Variants in CNBD1 observed in about 807,000 individuals in gnomAD.
CNBD1 encodes the protein cyclic nucleotide binding domain containing 1, also known as cyclic nucleotide-binding domain-containing protein 1.
In CNBD1, 71 loss-of-function variants were observed where a neutral mutation model predicts 54.4. The ratio of observed to expected loss-of-function variants is 1.30; its 90% CI spans 1.08 to 1.59. The LOEUF is 1.59. CNBD1 is among the 40% of genes most tolerant of loss of function. The pLI is 0.00. For missense variants in CNBD1, 659 were observed against 518.0 expected (o/e 1.27, Z -2.64); for synonymous variants, 182 against 170.7 (o/e 1.07, Z -0.51).
At chr8:86,948,731 G>GT (rs965554075) in intron 4 of CNBD1, among the ~76,000 whole-genome samples, 12 of 152,024 alleles carry the variant, frequency 7.9e-5, no homozygotes, top group Non-Finnish European at 1.5e-4. Context: ...TTTGTTGATT[G>GT]TTTCCCTCAC....
chr8:87,038,994 C>T (rs1345078879), intron 4 of CNBD1, among the ~76,000 whole-genome samples: 1 of 152,196 alleles, frequency 6.6e-6, no homozygotes. Flanking sequence ...TTCCTTCCCA[C>T]TATAGGCTGT....
chr8:87,379,164 T>C (rs1296835528), intron 10 of CNBD1, among the ~76,000 whole-genome samples: 2 of 151,922 alleles, frequency 1.3e-5, no homozygotes, highest in South Asian at 2.1e-4. Context: ...CCTGCCTAAT[T>C]GCCCTGGCCA....
chr8:87,260,683 C>T (rs1464131075), intron 6 of CNBD1, among the ~76,000 whole-genome samples: 1 of 152,006 alleles, frequency 6.6e-6, no homozygotes, highest in Non-Finnish European at 1.5e-5. Flanking sequence ...CCTAGTGACC[C>T]AGCTCACCAT....
At chr8:87,085,001 T>A (rs1481999677) in intron 4 of CNBD1, among the ~76,000 whole-genome samples, 1 of 152,332 alleles carries the variant, frequency 6.6e-6, no homozygotes, top group East Asian at 1.9e-4. Flanking sequence ...TAAACAATAC[T>A]TATGTTGTGT....
In CNBD1 at chr8:87,162,602, ATATCT is replaced by A. The variant is rs553352174; in HGVS notation, c.432-43388_432-43384del. The stretch of plus-strand genomic sequence containing the variant: ...AATCCATTTGTGCTGCTATAACAAA[ATATCT>A]TAACTGGATAATTTGTAAAAAACAT... On this transcript the variant is annotated intron_variant, in intron 4 of 10. Coordinates refer to ENST00000518476, the MANE Select transcript of CNBD1 (RefSeq NM_173538.3). Among the ~76,000 whole-genome samples, 285 of 152,254 alleles carry A rather than the reference ATATCT, an allele frequency of 1.9e-3. 5 individuals carry two copies. The highest frequency in any genetic ancestry group is 6.4e-3 in the African/African-American group (265 of 41,566).
At chr8:87,399,563 A>C (rs1807509782) in intron 2 of CNBD1, among the ~76,000 whole-genome samples, 1 of 152,032 alleles carries the variant, frequency 6.6e-6, no homozygotes, top group South Asian at 2.1e-4. Context: ...TATGAACCTA[A>C]TATAAAGCCC....
intron 4 of CNBD1, among the ~76,000 whole-genome samples, chr8:87,046,011 A>G (rs1468981306): frequency 6.8e-6 from 1 of 146,374 alleles, no homozygotes; most frequent in Non-Finnish European, 1.5e-5. Context: ...ACTGCACTCC[A>G]GCCTGGGAGA....
At chr8:87,148,745 G>A (rs1563487185) in intron 4 of CNBD1, among the ~76,000 whole-genome samples, 1 of 152,142 alleles carries the variant, frequency 6.6e-6, no homozygotes, top group Non-Finnish European at 1.5e-5. Flanking sequence ...TATGGTAGGA[G>A]CCTTAGTCAC....
chr8:87,209,277 TG>T (rs1398801534), intron 5 of CNBD1, among the ~76,000 whole-genome samples: 2 of 152,234 alleles, frequency 1.3e-5, no homozygotes, highest in African/African-American at 4.8e-5. Flanking sequence ...ACTAATTTTA[TG>T]AGGCCAGCAT....
At chr8:87,082,765 A>C (rs531308281) in intron 4 of CNBD1, among the ~76,000 whole-genome samples, 1 of 152,194 alleles carries the variant, frequency 6.6e-6, no homozygotes, top group South Asian at 2.1e-4. Context: ...TAAATCTACC[A>C]TCTCTTTGGT....
At chr8:87,160,017 G>A (rs563921757) in intron 4 of CNBD1, among the ~76,000 whole-genome samples, 1 of 151,710 alleles carries the variant, frequency 6.6e-6, no homozygotes, top group Admixed American at 6.6e-5. Context: ...CATATCTGAT[G>A]TTTAAGTCCA....
chr8:87,315,795 A>G (rs182590870), intron 8 of CNBD1, among the ~76,000 whole-genome samples: 1 of 152,062 alleles, frequency 6.6e-6, no homozygotes, highest in African/African-American at 2.4e-5. Flanking sequence ...TTGATAGCAC[A>G]GTAGGGTGAT....
At chr8:87,195,508 G>A (rs568113248) in intron 4 of CNBD1, among the ~76,000 whole-genome samples, 329 of 145,438 alleles carry the variant, frequency 2.3e-3, no homozygotes, top group African/African-American at 8.1e-3. Flanking sequence ...GATTACAGGC[G>A]TAAGTCACCA....
downstream of CNBD1, among the ~76,000 whole-genome samples, chr8:87,384,292 G>A (rs368309967): frequency 6.6e-6 from 1 of 151,966 alleles, no homozygotes; most frequent in Non-Finnish European, 1.5e-5. Context: ...TATGTGACAG[G>A]CACTCTTCTA....
In CNBD1 at chr8:87,258,953, A is replaced by C. The variant is rs114760647; in HGVS notation, c.771+21841A>C. On this transcript the variant is annotated intron_variant, in intron 6 of 10. Coordinates refer to ENST00000518476, the MANE Select transcript of CNBD1 (RefSeq NM_173538.3). ...CTTGTTTAAACCTTTAGTTTATTTA[A>C]TTTAAAACAATCCTTTAACCTAAAC... is the stretch of plus-strand genomic sequence containing the variant. 3.2e-3 allele frequency among the ~76,000 whole-genome samples: 486 copies of C among 152,248 alleles called. 2 individuals are homozygous for C. The highest frequency in any genetic ancestry group is 0.011 in the African/African-American group (454 of 41,548).
intron 4 of CNBD1, among the ~76,000 whole-genome samples, chr8:87,193,446 TG>T (rs2130787595): frequency 6.6e-6 from 1 of 152,340 alleles, no homozygotes; most frequent in East Asian, 1.9e-4. Context: ...GTCTTTAATT[TG>T]ACAGCTTTTC....
chr8:86,912,843 A>G (rs896700251), intron 3 of CNBD1, among the ~76,000 whole-genome samples: 1 of 152,292 alleles, frequency 6.6e-6, no homozygotes, highest in South Asian at 2.1e-4. Flanking sequence ...GGGACAAGAC[A>G]TGGGTGTGGA....
At position 87,111,637 on chromosome 8, in the gene CNBD1, G is replaced by A. The variant is rs1349924610; in HGVS notation, c.432-94356G>A. The stretch of plus-strand genomic sequence containing the variant: ...CTGGGAAAGGGATTGACTTTCCATT[G>A]AGGAAGCTGGTCAGCCTTTTGTTTA... On this transcript the variant is annotated intron_variant, in intron 4 of 10. Coordinates refer to ENST00000518476, the MANE Select transcript of CNBD1 (RefSeq NM_173538.3). Among the ~76,000 whole-genome samples, 5 of 152,254 alleles carry A rather than the reference G, an allele frequency of 3.3e-5. No homozygotes were observed. The East Asian group carries it at 9.7e-4, about 29-fold the overall frequency.
At chr8:87,418,935 G>A (rs969114943) in intron 2 of CNBD1, among the ~76,000 whole-genome samples, 2 of 151,830 alleles carry the variant, frequency 1.3e-5, no homozygotes, top group Admixed American at 6.6e-5. Context: ...ATATGACTCA[G>A]CAATTCCACT....
Sources: allele counts gnomAD v4.1 joint callset (sites outside exome capture counted in the v4.1 genomes callset), GRCh38; gene constraint gnomAD v4.1.1; transcripts MANE v1.5; gene names NCBI Gene and HGNC (gene_info 2026-07-23, HGNC 2026-07-21).